CENPP: variants seen among roughly 807,000 people sequenced by gnomAD.
CENPP encodes the protein centromere protein P.
A neutral mutation model predicts 35.6 loss-of-function variants in CENPP; 24 were observed. The ratio of observed to expected loss-of-function variants is 0.67; its 90% CI spans 0.49 to 0.95. The LOEUF (loss-of-function observed/expected upper bound fraction) is 0.95, where lower values mean the gene tolerates loss of function less well. CENPP is among the 40% of genes least tolerant of loss of function. CENPP has a pLI of 0.00. For synonymous variants in CENPP, 120 were observed against 125.5 expected, an observed-to-expected ratio of 0.96 and a Z score of 0.29; for missense variants, 332 against 345.3, an observed-to-expected ratio of 0.96 and a Z score of 0.31.
intron 5 of CENPP, among the ~76,000 whole-genome samples, chr9:92,391,602 CAAA>C (rs376166761): frequency 1.3e-5 from 2 of 151,560 alleles, no homozygotes; most frequent in Non-Finnish European, 2.9e-5. Flanking sequence ...CTGTCTCAAA[CAAA>C]AAAACCCCCC....
chr9:92,595,504 G>T (rs2131379659), intron 5 of CENPP, among the ~76,000 whole-genome samples: 1 of 152,068 alleles, frequency 6.6e-6, no homozygotes. Context: ...ACACTCCCAA[G>T]GTGCTGAGAT....
chr9:92,417,686 G>A (rs1194046336), intron 5 of CENPP: 4 of 641,156 alleles, frequency 6.2e-6, no homozygotes, highest in Non-Finnish European at 9.8e-6. Context: ...ATATATAAAA[G>A]AATATCCAGA....
At chr9:92,399,984 AC>A (rs1345236747) in intron 5 of CENPP, among the ~76,000 whole-genome samples, 4 of 152,182 alleles carry the variant, frequency 2.6e-5, no homozygotes, top group Non-Finnish European at 5.9e-5. Context: ...GTTATTTGTT[AC>A]ATGTTGTTCC....
intron 5 of CENPP, among the ~76,000 whole-genome samples, chr9:92,555,245 T>TA (rs989403070): frequency 9.0e-6 from 1 of 110,812 alleles, no homozygotes. Context: ...TTTTTTTTTT[T>TA]AGATGGAGTT....
chr9:92,510,817 A>T (rs1847287299), intron 5 of CENPP, among the ~76,000 whole-genome samples: 6 of 152,066 alleles, frequency 3.9e-5, no homozygotes, highest in Non-Finnish European at 8.8e-5. Flanking sequence ...TAGGAAAAGG[A>T]CCCCCTAATG....
intron 5 of CENPP, among the ~76,000 whole-genome samples, chr9:92,431,288 A>G (rs1037241525): frequency 3.9e-5 from 6 of 152,130 alleles, no homozygotes; most frequent in African/African-American, 1.2e-4. Context: ...TATTGAAGGC[A>G]TTTCTCAACG....
chr9:92,385,621 TAAAA>T, intron 5 of CENPP: 1 of 1,613,566 alleles, frequency 6.2e-7, no homozygotes, highest in African/African-American at 1.3e-5. Context: ...CAATAGAGGT[TAAAA>T]GTATGACCCT....
chr9:92,520,136 T>C (rs564158339), intron 5 of CENPP, among the ~76,000 whole-genome samples: 3 of 151,050 alleles, frequency 2.0e-5, no homozygotes, highest in African/African-American at 7.4e-5. Flanking sequence ...GTTAAAAAGT[T>C]AGCCAGGTGT....
At chr9:92,549,609 T>G (rs1370876690) in intron 5 of CENPP, among the ~76,000 whole-genome samples, 4 of 148,106 alleles carry the variant, frequency 2.7e-5, no homozygotes, top group South Asian at 4.3e-4. Flanking sequence ...ATCGCGCCAC[T>G]GCACTCCAGC....
At chr9:92,521,849 T>C (rs540350601) in intron 5 of CENPP, among the ~76,000 whole-genome samples, 48 of 152,312 alleles carry the variant, frequency 3.2e-4, no homozygotes, top group African/African-American at 1.1e-3. Context: ...ATTTCTGTAT[T>C]CTAGATGATC....
At chr9:92,603,027 G>A (rs1200788269) in intron 5 of CENPP, among the ~76,000 whole-genome samples, 2 of 152,112 alleles carry the variant, frequency 1.3e-5, no homozygotes, top group African/African-American at 2.4e-5. Flanking sequence ...TTGACCTCGT[G>A]ATCCGCTCGC....
At position 92,619,580 on chromosome 9, in the gene CENPP, A is replaced by G. The variant is rs118043251; in HGVS notation, c.*6431A>G. On this transcript the variant is annotated 3_prime_UTR_variant, in exon 8 of 8. Coordinates refer to ENST00000375587, the MANE Select transcript of CENPP (RefSeq NM_001012267.3). The stretch of plus-strand genomic sequence containing the variant: ...TACTGCTGCACCTGCAGGGGCGGGA[A>G]AGATCAGCTCCAGGTCACACAGGAA... 1.3e-6 allele frequency: 2 copies of G among 1,567,194 alleles called. No individual in the cohort carries two copies. The highest frequency in any genetic ancestry group is 4.6e-5 in the East Asian group (2 of 43,064).
At chr9:92,334,941 C>A (rs2130783838) in intron 2 of CENPP, among the ~76,000 whole-genome samples, 1 of 151,948 alleles carries the variant, frequency 6.6e-6, no homozygotes, top group East Asian at 1.9e-4. Flanking sequence ...AGTCCCAGCA[C>A]TTTGGGAAGC....
chr9:92,359,619 GGAGCTCTGGCCTTT>G (rs1841688333), intron 4 of CENPP, among the ~76,000 whole-genome samples: 1 of 152,090 alleles, frequency 6.6e-6, no homozygotes, highest in African/African-American at 2.4e-5. Context: ...TGGGAAAAAA[GGAGCTCTGGCCTTT>G]TAAGTCCCCT....
At chr9:92,416,745 T>C (rs1588114912) in intron 5 of CENPP, 1 of 1,613,620 alleles carries the variant, frequency 6.2e-7, no homozygotes, top group Non-Finnish European at 8.5e-7. Context: ...TTATATGGGA[T>C]GTCTTGTAGT....
At chr9:92,385,446 TCTTA>T (rs1588079064) in intron 5 of CENPP, 2 of 573,814 alleles carry the variant, frequency 3.5e-6, no homozygotes, top group Non-Finnish European at 6.0e-6. Context: ...AGACATTCAG[TCTTA>T]CTTTTTACTT....
intron 5 of CENPP, chr9:92,457,182 A>T: frequency 1.4e-6 from 2 of 1,453,388 alleles, no homozygotes; most frequent in Non-Finnish European, 1.8e-6. Context: ...TTGAGAATAG[A>T]TATTTGCTTG....
intron 5 of CENPP, among the ~76,000 whole-genome samples, chr9:92,471,663 TC>T (rs1457855003): frequency 6.7e-6 from 1 of 149,686 alleles, no homozygotes; most frequent in Non-Finnish European, 1.5e-5. Context: ...CATATATTAT[TC>T]TTTTTTTTTT....
intron 5 of CENPP, chr9:92,384,193 GAAT>G (rs1390160500): frequency 6.6e-6 from 1 of 152,136 alleles, no homozygotes; most frequent in Non-Finnish European, 1.5e-5. Context: ...ATCATTGTTA[GAAT>G]AATAATTGTG....
Sources: gnomAD v4.1 joint callset for allele counts (sites outside exome capture counted in the v4.1 genomes callset) on GRCh38, gnomAD v4.1.1 for gene constraint, MANE v1.5 for transcripts, NCBI Gene and HGNC (gene_info 2026-07-23, HGNC 2026-07-21) for gene names.